Variants in TKTL1 observed in about 807,000 individuals in gnomAD.
The protein encoded by TKTL1 is transketolase like 1, also known as transketolase-like protein 1.
In TKTL1, 1 loss-of-function variant was observed where a neutral mutation model predicts 39.3. The ratio of observed to expected loss-of-function variants is 0.03; its 90% confidence interval spans 0.01 to 0.12. The LOEUF is 0.12. Ranked by LOEUF, TKTL1 falls within the 10% of genes least tolerant of loss-of-function variation. The pLI is 1.00. For synonymous variants in TKTL1, 262 were observed against 193.8 expected, an observed-to-expected ratio of 1.35 and a Z score of -2.92; for missense variants, 575 against 509.6, an observed-to-expected ratio of 1.13 and a Z score of -1.24.
chrX:154,325,364 G>T lies in TKTL1; in HGVS notation c.1343G>T (p.Arg448Leu), dbSNP rs371034985. The T allele has an allele frequency of 8.3e-7, 1 of 1,211,701 alleles. No homozygotes were observed. Among genetic ancestry groups the T allele is most frequent in the Admixed American group, 2.2e-5 (1 of 46,057 alleles). Residue 448 changes from arginine (R) to leucine (L), a missense_variant, in exon 10 of 13, where the codon CGA (arginine) becomes CTA (leucine). Physicochemically the swap from Arg to Leu is moderately radical, Grantham distance 102 (BLOSUM62 -2). Transcript: ENST00000369915. ...AKGMCFIRTT[R>L]PETMVIYTPQ... ...GGGATGTGCTTCATTCGGACCACCCGACCAGAAACTATGGTTATTTACACC... is the reference window on the plus strand; with the variant it reads ...GGGATGTGCTTCATTCGGACCACCCTACCAGAAACTATGGTTATTTACACC...
intron 9 of TKTL1, among the ~76,000 whole-genome samples, chrX:154,324,143 T>C (rs113078586): frequency 0.037 from 4,037 of 110,276 alleles, 202 homozygotes; most frequent in African/African-American, 0.13. Context: ...TTGTGTTTTG[T>C]TTTTTGGGTT....
intron 6 of TKTL1, 143 bp from the exon 7 acceptor site, chrX:154,315,030 G>A (rs1040003622): frequency 3.2e-6 from 2 of 627,482 alleles, no homozygotes; most frequent in Admixed American, 7.4e-5. Flanking sequence ...TGACATTAAA[G>A]GAAATTTTTG....
Position 154,311,225 on chromosome X carries a change from C to G in TKTL1, c.657C>G (p.Gly219=). The G allele has an allele frequency of 8.3e-7, 1 of 1,211,434 alleles. No individual in the cohort carries two copies. Among genetic ancestry groups the G allele is most frequent in the South Asian group, 1.8e-5 (1 of 56,996 alleles). ...PTAVVAKTFK[G]RGTPSIEDAE... ...CTGTGGTGGCCAAGACCTTCAAGGGCCGGGGCACCCCAAGTAAGCAAGCAC... is the reference window on the plus strand; with the variant it reads ...CTGTGGTGGCCAAGACCTTCAAGGGGCGGGGCACCCCAAGTAAGCAAGCAC... Residue 219 remains glycine, a synonymous_variant, in exon 5 of 13, where the codon GGC becomes GGG. Transcript: ENST00000369915.
intron 1 of TKTL1, among the ~76,000 whole-genome samples, chrX:154,298,788 T>C (rs2067250442): frequency 8.9e-6 from 1 of 111,897 alleles, no homozygotes; most frequent in Non-Finnish European, 1.9e-5. Context: ...TTTCTCCTGC[T>C]AGCTTTGGGT....
intron 2 of TKTL1, among the ~76,000 whole-genome samples, chrX:154,306,593 C>T (rs1557167253): frequency 2.7e-5 from 3 of 111,656 alleles, no homozygotes; most frequent in Non-Finnish European, 3.8e-5. Flanking sequence ...AATCATTGTG[C>T]TAGGCTTTAA....
chrX:154,296,039 C>T (rs186468005), intron 1 of TKTL1, 46 bp downstream of exon 1: 403 of 1,194,421 alleles, frequency 3.4e-4, no homozygotes, highest in African/African-American at 1.4e-3. Flanking sequence ...GCCACGGGCC[C>T]GGTGGCTTCA....
Position 154,315,303 on chromosome X carries a change from G to A in TKTL1, c.995G>A (p.Arg332His), listed in dbSNP as rs782301272. 1.3e-5 allele frequency: 16 copies of A among 1,210,767 alleles called. No homozygotes were observed. The highest frequency in any genetic ancestry group is 4.3e-5 in the Admixed American group (2 of 45,981). ...SEIFNKEYPE[R>H]FIECFMAEQN... Reference sequence around the variant, plus strand: ...ATATTCAACAAGGAGTACCCTGAGCGCTTCATCGAGTGCTTTATGGCTGAA... The same window carrying A: ...ATATTCAACAAGGAGTACCCTGAGCACTTCATCGAGTGCTTTATGGCTGAA... Residue 332 changes from arginine to histidine, a missense_variant, in exon 7 of 13, where the codon CGC becomes CAC. Physicochemically the swap from Arg to His is conservative, Grantham distance 29. Transcript: ENST00000369915.
At chrX:154,314,245 C>T (rs1348025875) in intron 6 of TKTL1, among the ~76,000 whole-genome samples, 5 of 111,265 alleles carry the variant, frequency 4.5e-5, no homozygotes, top group African/African-American at 9.8e-5. Flanking sequence ...AATGTCATCC[C>T]GATTTACTTA....
intron 8 of TKTL1, among the ~76,000 whole-genome samples, chrX:154,322,867 T>C (rs1386984313): frequency 9.0e-6 from 1 of 111,442 alleles, no homozygotes; most frequent in African/African-American, 3.3e-5. Flanking sequence ...CTGAGGACCT[T>C]CCTAAAGAGA....
chrX:154,328,007 T>C (rs782211824), intron 12 of TKTL1, 49 bp downstream of exon 12: 8 of 1,198,923 alleles, frequency 6.7e-6, no homozygotes, highest in Admixed American at 6.6e-5. Context: ...TGTTTTTGTT[T>C]CCTTGATTGG....
At chrX:154,328,847 AG>A (rs199932572) in intron 12 of TKTL1, among the ~76,000 whole-genome samples, 1,224 of 111,426 alleles carry the variant, frequency 0.011, 15 homozygotes, top group African/African-American at 0.037. Flanking sequence ...GAAAGGGTGC[AG>A]GGGGGGATCC....
chrX:154,321,525 C>T (rs1360373485), intron 8 of TKTL1, among the ~76,000 whole-genome samples: 10 of 104,196 alleles, frequency 9.6e-5, no homozygotes, highest in Non-Finnish European at 2.0e-4. Context: ...TGGGGGGGGA[C>T]CTGAGAGTGA....
chrX:154,323,480 A>G (rs2067468590), intron 9 of TKTL1, 143 bp downstream of exon 9: 1 of 721,032 alleles, frequency 1.4e-6, no homozygotes, highest in Non-Finnish European at 2.0e-6. Flanking sequence ...TACAAAAAAA[A>G]CAGGAGATTA....
intron 1 of TKTL1, 140 bp downstream of exon 1, chrX:154,296,133 G>T (rs1052651602): frequency 3.5e-5 from 29 of 837,950 alleles, no homozygotes; most frequent in Non-Finnish European, 4.8e-5. Flanking sequence ...GTCTTGGGCT[G>T]TTGGGGCCCG....
At chrX:154,296,786 A>G (rs1177422160) in intron 1 of TKTL1, among the ~76,000 whole-genome samples, 4 of 111,771 alleles carry the variant, frequency 3.6e-5, no homozygotes, top group African/African-American at 9.8e-5. Context: ...AGGCCGAGGC[A>G]GACGGATCGT....
chrX:154,322,875 A>G (rs2067462673), intron 8 of TKTL1, among the ~76,000 whole-genome samples: 1 of 112,016 alleles, frequency 8.9e-6, no homozygotes, highest in Admixed American at 9.5e-5. Context: ...CTTCCTAAAG[A>G]GAACGGGTTC....
At chrX:154,305,134 C>G (rs1557166946) in intron 1 of TKTL1, 170 bp from the exon 2 acceptor site, 2 of 1,166,906 alleles carry the variant, frequency 1.7e-6, no homozygotes, top group Admixed American at 4.9e-5. Context: ...GGTGAGCTTA[C>G]CGGGCTTTAA....
chrX:154,314,922 C>T (rs782365373), intron 6 of TKTL1, among the ~76,000 whole-genome samples: 4 of 109,943 alleles, frequency 3.6e-5, no homozygotes, highest in South Asian at 3.8e-4. Context: ...GTTGGGGGAG[C>T]GGGGGATGTT....
rs782609995 is a variant in TKTL1 at position 154,305,111 on chromosome X, C to T, written c.135-193C>T. 6.1e-6 allele frequency: 7 copies of T among 1,154,068 alleles called. No homozygotes were observed. The Admixed American group carries it at 1.3e-4, about 21-fold the overall frequency. ...GGTTAGGAGCTGGCCTCACTGTGCA[C>T]AGGGGGAGGGGTGGTGAGCTTACCG... On this transcript the variant is annotated intron_variant, in intron 1 of 12. Coordinates refer to ENST00000369915, the MANE Select transcript of TKTL1 (RefSeq NM_012253.4).
Sources: allele counts gnomAD v4.1 joint callset (sites outside exome capture counted in the v4.1 genomes callset), GRCh38; gene constraint gnomAD v4.1.1; transcripts MANE v1.5; gene names NCBI Gene and HGNC (gene_info 2026-07-23, HGNC 2026-07-21).